The following RBFOX1 variants were observed in gnomAD, a reference collection of about 807,000 sequenced individuals.
The protein encoded by RBFOX1 is RNA binding fox-1 homolog 1, also known as RNA binding protein fox-1 homolog 1.
In RBFOX1, 8 loss-of-function variants were observed where a neutral mutation model predicts 57.7. That is an observed-to-expected ratio of 0.14 (90% CI 0.08 to 0.25). RBFOX1 has a LOEUF of 0.25. RBFOX1 is among the 10% of genes least tolerant of loss of function. The pLI, the probability that RBFOX1 is intolerant of heterozygous loss-of-function variation, is 1.00. For missense variants in RBFOX1, 611 were observed against 548.5 expected (o/e 1.11, Z -1.14); for synonymous variants, 326 against 222.4 (o/e 1.47, Z -4.15).
intron 2 of RBFOX1, among the ~76,000 whole-genome samples, chr16:6,420,422 A>G (rs2093740356): frequency 6.6e-6 from 1 of 152,134 alleles, no homozygotes. Flanking sequence ...AATTTTTACA[A>G]TAAGAAAATG....
In RBFOX1 at chr16:6,884,627, G is replaced by C. The variant is rs148763294; in HGVS notation, c.-15-167430G>C. On this transcript the variant is annotated intron_variant, in intron 3 of 15. Transcript: ENST00000550418. Reference sequence around the variant, plus strand: ...AAAAAAAACTAAATTGGCCAGGTGTGGTGGCTCACACCTGTAATCCCAGCA... The same window carrying C: ...AAAAAAAACTAAATTGGCCAGGTGTCGTGGCTCACACCTGTAATCCCAGCA... Among the ~76,000 whole-genome samples the C allele has an allele frequency of 1.3e-3, 205 of 152,256 alleles. 2 individuals carry two copies. Among genetic ancestry groups the C allele is most frequent in the African/African-American group, 4.7e-3 (196 of 41,558 alleles).
chr16:6,764,515 C>T (rs2077057902), intron 3 of RBFOX1, among the ~76,000 whole-genome samples: 1 of 152,164 alleles, frequency 6.6e-6, no homozygotes, highest in African/African-American at 2.4e-5. Context: ...TATTGAATGT[C>T]CACTCAATGT....
At chr16:7,336,862 G>T (rs2096797659) in intron 4 of RBFOX1, among the ~76,000 whole-genome samples, 1 of 152,188 alleles carries the variant, frequency 6.6e-6, no homozygotes, top group South Asian at 2.1e-4. Context: ...AACTTGACCT[G>T]AAATGATGTG....
intron 4 of RBFOX1, among the ~76,000 whole-genome samples, chr16:6,005,152 G>A (rs778846821): frequency 8.5e-5 from 13 of 152,158 alleles, no homozygotes; most frequent in South Asian, 2.1e-4. Flanking sequence ...TAATAGATTT[G>A]CTGAGAAAGT....
intron 3 of RBFOX1, among the ~76,000 whole-genome samples, chr16:7,036,518 G>A (rs568697686): frequency 6.6e-6 from 1 of 151,898 alleles, no homozygotes; most frequent in Non-Finnish European, 1.5e-5. Context: ...AGACCAGCCT[G>A]GGTGTCTGTA....
chr16:7,440,391 A>G (rs1320348823), intron 4 of RBFOX1, among the ~76,000 whole-genome samples: 1 of 152,096 alleles, frequency 6.6e-6, no homozygotes, highest in Non-Finnish European at 1.5e-5. Context: ...GAAAATGAAT[A>G]TGGTGATTTC....
intron 11 of RBFOX1, among the ~76,000 whole-genome samples, chr16:7,644,919 GA>G (rs1425564055): frequency 1.9e-4 from 29 of 152,248 alleles, no homozygotes; most frequent in African/African-American, 7.0e-4. Context: ...TTCACTGTTA[GA>G]GCCTGGACAA....
intron 3 of RBFOX1, among the ~76,000 whole-genome samples, chr16:6,993,364 C>A (rs1396285555): frequency 6.6e-6 from 1 of 152,174 alleles, no homozygotes; most frequent in African/African-American, 2.4e-5. Context: ...GGCAAATCCT[C>A]ATTTAGCTCC....
rs539507969 is a variant in RBFOX1, at chr16:7,037,090, G to T, written c.-15-14967G>T. Among the ~76,000 whole-genome samples, 9 of 152,202 alleles carry T rather than the reference G, an allele frequency of 5.9e-5. No homozygotes were observed. In the East Asian group the frequency reaches 1.7e-3, roughly 29 times the overall value. ...CACCATCTTGGTTTTGGTGGGTTTT[G>T]GCTGGCTTCTTTACTGCAAACTGTT... On this transcript the variant is annotated intron_variant, in intron 3 of 15. Transcript: ENST00000550418.
chr16:5,675,060 A>T (rs563352210), intron 3 of RBFOX1, among the ~76,000 whole-genome samples: 48 of 152,152 alleles, frequency 3.2e-4, no homozygotes, highest in African/African-American at 1.2e-3. Flanking sequence ...AGGTGGGAGG[A>T]TTGCTTGAGC....
chr16:5,693,584 A>G (rs965570053), intron 3 of RBFOX1, among the ~76,000 whole-genome samples: 1 of 152,104 alleles, frequency 6.6e-6, no homozygotes, highest in South Asian at 2.1e-4. Context: ...CCTTCTTTCA[A>G]TCATGCTGCT....
At chr16:6,734,878 G>A (rs1335261295) in intron 3 of RBFOX1, among the ~76,000 whole-genome samples, 2 of 152,186 alleles carry the variant, frequency 1.3e-5, no homozygotes, top group African/African-American at 2.4e-5. Flanking sequence ...AGTTCTTGAC[G>A]CCTAGTAAAG....
At chr16:5,909,009 T>G (rs1195644517) in intron 4 of RBFOX1, among the ~76,000 whole-genome samples, 1 of 151,952 alleles carries the variant, frequency 6.6e-6, no homozygotes, top group Non-Finnish European at 1.5e-5. Context: ...CCTCCAGAAC[T>G]GTGAGAAATA....
intron 4 of RBFOX1, among the ~76,000 whole-genome samples, chr16:7,174,792 C>CAAACA (rs993898162): frequency 2.0e-5 from 3 of 152,134 alleles, no homozygotes; most frequent in African/African-American, 7.2e-5. Context: ...AACAAACAGA[C>CAAACA]AAACAAAACA....
At chr16:7,304,742 C>T (rs1409905636) in intron 4 of RBFOX1, among the ~76,000 whole-genome samples, 2 of 152,196 alleles carry the variant, frequency 1.3e-5, no homozygotes, top group African/African-American at 4.8e-5. Context: ...AAATGGAAAA[C>T]TGCCTTTTCC....
At position 6,131,583 on chromosome 16, in the gene RBFOX1, T is replaced by A. The variant is rs111859025; in HGVS notation, c.-127+111591T>A. Among the ~76,000 whole-genome samples the A allele has an allele frequency of 1.6e-3, 251 of 152,276 alleles. 1 individual carries two copies. In the East Asian group the frequency reaches 0.018, roughly 11 times the overall value. ...TCCACTCCCCAGATGACTCTCAAGT[T>A]TATAAAACTGTGTGGACAGAAGTTG... On this transcript the variant is annotated intron_variant, in intron 1 of 15. Coordinates refer to ENST00000550418, the MANE Select transcript of RBFOX1 (RefSeq NM_018723.4).
chr16:5,500,903 T>A (rs1256896825), intron 2 of RBFOX1, among the ~76,000 whole-genome samples: 2 of 152,202 alleles, frequency 1.3e-5, no homozygotes, highest in Non-Finnish European at 2.9e-5. Context: ...CAGAGAGATG[T>A]CATGTAAGGA....
At chr16:6,283,718 T>C (rs984507526) in intron 1 of RBFOX1, among the ~76,000 whole-genome samples, 1 of 152,236 alleles carries the variant, frequency 6.6e-6, no homozygotes, top group Non-Finnish European at 1.5e-5. Flanking sequence ...AGAAGGAATA[T>C]GCACATACCC....
At chr16:5,781,753 C>T (rs1366280957) in intron 3 of RBFOX1, among the ~76,000 whole-genome samples, 3 of 152,204 alleles carry the variant, frequency 2.0e-5, no homozygotes, top group Non-Finnish European at 4.4e-5. Context: ...TTGTGCCACC[C>T]ATTGAAATTT....
Sources: allele counts gnomAD v4.1 joint callset (sites outside exome capture counted in the v4.1 genomes callset), GRCh38; gene constraint gnomAD v4.1.1; transcripts MANE v1.5; gene names NCBI Gene and HGNC (gene_info 2026-07-23, HGNC 2026-07-21).